The following ZNF521 variants were observed in gnomAD, a reference collection of about 807,000 sequenced individuals.
ZNF521 encodes the protein LYST-interacting protein 3.
Under a neutral mutation model 105.5 loss-of-function variants are expected in ZNF521, and 14 were observed. That is an observed-to-expected ratio of 0.13 (90% CI 0.09 to 0.21). The LOEUF (loss-of-function observed/expected upper bound fraction) is 0.21. Among genes scored for constraint, ZNF521 ranks in the 10% least tolerant of loss-of-function variants. The pLI, the probability that ZNF521 is intolerant of heterozygous loss-of-function variation, is 1.00. For missense variants in ZNF521, 1,233 were observed against 1,629.7 expected (o/e 0.76, Z 4.19); for synonymous variants, 635 against 606.0 (o/e 1.05, Z -0.70).
intron 7 of ZNF521, among the ~76,000 whole-genome samples, chr18:25,084,854 G>T (rs995390502): frequency 1.3e-5 from 2 of 152,142 alleles, no homozygotes; most frequent in East Asian, 1.9e-4. Context: ...AAAGAATGTG[G>T]TCTATTCAAC....
intron 7 of ZNF521, among the ~76,000 whole-genome samples, chr18:25,077,403 G>C (rs898998206): frequency 1.3e-5 from 2 of 152,142 alleles, no homozygotes; most frequent in African/African-American, 2.4e-5. Flanking sequence ...ACTTCTCCCA[G>C]CTCTTCCCTA....
At chr18:25,131,461 A>C (rs2034639534) in intron 5 of ZNF521, among the ~76,000 whole-genome samples, 1 of 152,152 alleles carries the variant, frequency 6.6e-6, no homozygotes, top group South Asian at 2.1e-4. Context: ...CTTCCTAACG[A>C]AGTGTCCCCT....
At chr18:25,320,513 T>C (rs187403988) in intron 3 of ZNF521, among the ~76,000 whole-genome samples, 128 of 152,258 alleles carry the variant, frequency 8.4e-4, no homozygotes, top group Non-Finnish European at 1.4e-3. Flanking sequence ...ACTATAGATA[T>C]GTAAGAGAAT....
intron 7 of ZNF521, among the ~76,000 whole-genome samples, chr18:25,081,312 G>C (rs1459572775): frequency 2.6e-5 from 4 of 152,190 alleles, no homozygotes; most frequent in Non-Finnish European, 5.9e-5. Context: ...GAGGGAGCGA[G>C]TCCTAGAATG....
Position 25,225,421 on chromosome 18 carries a change from A to G in ZNF521, c.2497T>C (p.Cys833Arg), listed in dbSNP as rs1476775858. ...TTGGGTGTCTTGGTTTCGAATACAC[A>G]GTGTTTTTCTCGCAAGTGTTTTTCT... ...LLEKHLREKH[C>R]VFETKTPNCG... The change falls in exon 4 of 8, where the codon TGT becomes CGT. Residue 833 changes from cysteine (C) to arginine (R), a missense_variant. By Grantham distance (180) the Cys-to-Arg change is radical (BLOSUM62 -3). Around this residue, in one of 6 missense-constraint regions of ZNF521, gnomAD observed 614 missense variants for 751.5 expected, o/e 0.82. Coordinates refer to ENST00000361524, the MANE Select transcript of ZNF521 (RefSeq NM_015461.3). The surrounding 1 kb of genome is among the most constrained non-coding windows in gnomAD (Gnocchi z 5.6). 4.3e-6 allele frequency: 7 copies of G among 1,614,058 alleles called. No homozygotes were observed. The highest frequency in any genetic ancestry group is 2.2e-5 in the East Asian group (1 of 44,890).
At position 25,225,459 on chromosome 18, in the gene ZNF521, G is replaced by A; in HGVS notation, c.2459C>T (p.Ala820Val). 1 of 1,614,152 alleles carries A rather than the reference G, an allele frequency of 6.2e-7. No individual in the cohort carries two copies. The change falls in exon 4 of 8, where the codon GCG becomes GTG. Residue 820 changes from alanine to valine, a missense_variant. Around this residue, in one of 6 missense-constraint regions of ZNF521, gnomAD observed 614 missense variants for 751.5 expected, o/e 0.82. Transcript: ENST00000361524. The surrounding 1 kb of genome is among the most constrained non-coding windows in gnomAD (Gnocchi z 5.6). ...NCKFCSKAFH[A>V]IILLEKHLRE... ...CAAGTGTTTTTCTAACAAAATGATC[G>A]CATGGAAGGCTTTGCTACAGAACTT...
intron 3 of ZNF521, among the ~76,000 whole-genome samples, chr18:25,309,388 G>C (rs570087182): frequency 4.9e-4 from 75 of 152,284 alleles, no homozygotes; most frequent in African/African-American, 1.8e-3. Context: ...ATGGACTAAG[G>C]CTTGTACCCA....
chr18:25,286,217 A>G (rs1910700685), intron 3 of ZNF521, among the ~76,000 whole-genome samples: 1 of 152,190 alleles, frequency 6.6e-6, no homozygotes, highest in African/African-American at 2.4e-5. Flanking sequence ...GAGAGTCGAT[A>G]AGGGGAAGAG....
chr18:25,071,631 G>T (rs2033225250), intron 7 of ZNF521, among the ~76,000 whole-genome samples: 1 of 152,122 alleles, frequency 6.6e-6, no homozygotes, highest in African/African-American at 2.4e-5. Flanking sequence ...TCAGAGCTGG[G>T]GGTTGGGGGT....
At chr18:25,177,679 A>G (rs1459586292) in intron 5 of ZNF521, among the ~76,000 whole-genome samples, 1 of 152,208 alleles carries the variant, frequency 6.6e-6, no homozygotes, top group Non-Finnish European at 1.5e-5. Flanking sequence ...ACATGACCAG[A>G]CTTTTTAGCT....
chr18:25,108,464 C>G (rs1180907716), intron 5 of ZNF521, among the ~76,000 whole-genome samples: 1 of 151,300 alleles, frequency 6.6e-6, no homozygotes, highest in Non-Finnish European at 1.5e-5. Context: ...TTACAATTAC[C>G]ATTTTAGTGT....
intron 3 of ZNF521, among the ~76,000 whole-genome samples, chr18:25,266,585 G>A (rs1249525177): frequency 6.6e-5 from 10 of 152,164 alleles, no homozygotes; most frequent in Admixed American, 5.9e-4. Context: ...GACAGTGGGT[G>A]CAGCCGACGG....
chr18:25,327,414 T>G, intron 2 of ZNF521: 1 of 1,163,914 alleles, frequency 8.6e-7, no homozygotes, highest in South Asian at 1.8e-5. Flanking sequence ...ACAACTAGCC[T>G]TCTAGGTTTC....
At chr18:25,120,963 G>A (rs2034428577) in intron 5 of ZNF521, among the ~76,000 whole-genome samples, 1 of 152,052 alleles carries the variant, frequency 6.6e-6, no homozygotes, top group South Asian at 2.1e-4. Context: ...CAGGTCATGG[G>A]TCATCTATGC....
chr18:25,167,050 A>G lies in ZNF521; in HGVS notation c.3658+28110T>C, dbSNP rs551897469. On this transcript the variant is annotated intron_variant, in intron 5 of 7. Transcript: ENST00000361524. ...CTGATTCAGCCTTAGCCAAGCACAC[A>G]TTCCTAAGGCTTAAGAAAGTGAGGT... 3.9e-5 allele frequency among the ~76,000 whole-genome samples: 6 copies of G among 152,282 alleles called. No homozygotes were observed. In the East Asian group the frequency reaches 1.2e-3, roughly 29 times the overall value.
chr18:25,085,117 G>A (rs186902979), intron 7 of ZNF521, among the ~76,000 whole-genome samples: 205 of 152,112 alleles, frequency 1.3e-3, no homozygotes, highest in Admixed American at 2.6e-3. Flanking sequence ...TCTCCTGGCA[G>A]CACGCTAGGT....
At chr18:25,300,919 G>A (rs755811463) in intron 3 of ZNF521, among the ~76,000 whole-genome samples, 70 of 151,940 alleles carry the variant, frequency 4.6e-4, no homozygotes, top group Non-Finnish European at 7.4e-4. Flanking sequence ...TGTTTCTCCC[G>A]AGCATTGCAA....
chr18:25,245,532 A>G (rs1264128911), intron 3 of ZNF521, among the ~76,000 whole-genome samples: 2 of 152,172 alleles, frequency 1.3e-5, no homozygotes, highest in African/African-American at 4.8e-5. Flanking sequence ...TTGAGACAAA[A>G]CAGTCCCAAT....
At chr18:25,230,994 G>C (rs998965706) in intron 3 of ZNF521, among the ~76,000 whole-genome samples, 1 of 152,182 alleles carries the variant, frequency 6.6e-6, no homozygotes, top group Non-Finnish European at 1.5e-5. Context: ...CAACACTCCT[G>C]AGACTTTCAG....
Sources: gnomAD v4.1 joint callset for allele counts (sites outside exome capture counted in the v4.1 genomes callset) on GRCh38, gnomAD v4.1.1 for gene constraint, gnomAD v4.1.1 regional missense constraint, Gnocchi (gnomAD v3.1) non-coding constraint, MANE v1.5 for transcripts, NCBI Gene and HGNC (gene_info 2026-07-23, HGNC 2026-07-21) for gene names.